Variants in MILR1 observed in about 807,000 individuals in gnomAD.
The protein encoded by MILR1 is mast cell immunoglobulin like receptor 1.
In MILR1, 31 loss-of-function variants were observed where a neutral mutation model predicts 18.5. The ratio of observed to expected loss-of-function variants is 1.68; its 90% CI spans 1.26 to 2.26. The LOEUF (loss-of-function observed/expected upper bound fraction) is 2.26. Ranked by LOEUF, MILR1 falls within the 30% of genes most tolerant of loss-of-function variation. MILR1 has a pLI of 0.00. For synonymous variants in MILR1, 85 were observed against 56.2 expected (o/e 1.51, Z -2.30); for missense variants, 257 against 157.4 (o/e 1.63, Z -3.38).
chr17:64,467,024 C>CTCTTTCTT (rs137981021), intron 8 of MILR1, among the ~76,000 whole-genome samples: 21 of 144,982 alleles, frequency 1.4e-4, no homozygotes, highest in African/African-American at 3.6e-4. Context: ...TTCTTTCTTT[C>CTCTTTCTT]TCTTTCTTTC....
At chr17:64,459,379 G>A (rs2037371801) in intron 4 of MILR1, among the ~76,000 whole-genome samples, 1 of 152,124 alleles carries the variant, frequency 6.6e-6, no homozygotes, top group South Asian at 2.1e-4. Flanking sequence ...GCTGCAGTGA[G>A]CTGTGATCAT....
intron 4 of MILR1, among the ~76,000 whole-genome samples, chr17:64,458,370 G>A (rs1307683247): frequency 4.0e-5 from 6 of 151,734 alleles, no homozygotes; most frequent in South Asian, 2.1e-4. Context: ...CCGCCACCAC[G>A]CTTGGCTAAT....
Position 64,466,444 on chromosome 17 carries a change from G to A in MILR1, c.856G>A (p.Glu286Lys). Residue 286 changes from glutamate (E) to lysine (K), a missense_variant and splice_region_variant, in exon 7 of 10, where the codon GAG becomes AAG. By Grantham distance (56) the Glu-to-Lys change is moderately conservative. Coordinates refer to ENST00000619286, the MANE Select transcript of MILR1 (RefSeq NM_001085423.2). The stretch of plus-strand genomic sequence containing the variant: ...TTTATGTCATTCTCATTTTACAGAG[G>A]AGGAATCTGTGCCAGAAGTGGGATC... ...YANILEKQAK[E>K]ESVPEVGSRP... is the part of the protein sequence containing the mutation. 6.2e-7 allele frequency: 1 copy of A among 1,613,406 alleles called. No individual in the cohort carries two copies.
At chr17:64,493,094 T>A in the MILR1 span, 1 of 1,434,810 alleles carries the variant, frequency 7.0e-7, no homozygotes, top group Non-Finnish European at 9.8e-7. Context: ...ATAGACACAT[T>A]AATAGTAGTA....
At chr17:64,490,486 A>T in the MILR1 span, 6 of 364,174 alleles carry the variant, frequency 1.6e-5, no homozygotes, top group Non-Finnish European at 3.1e-5. Flanking sequence ...GTCACGCAAG[A>T]CAAGAGGAAT....
intron 8 of MILR1, among the ~76,000 whole-genome samples, chr17:64,467,177 C>T (rs2037591130): frequency 6.6e-6 from 1 of 151,804 alleles, no homozygotes; most frequent in African/African-American, 2.4e-5. Flanking sequence ...ACAATCTCAG[C>T]TCACTGCACC....
intron 4 of MILR1, among the ~76,000 whole-genome samples, chr17:64,459,971 T>A (rs1448070868): frequency 6.8e-6 from 1 of 146,460 alleles, no homozygotes; most frequent in Non-Finnish European, 1.5e-5. Flanking sequence ...TTTTAAACTT[T>A]ATTATTTTTA....
At chr17:64,456,961 G>A (rs2037313679) in intron 3 of MILR1, among the ~76,000 whole-genome samples, 1 of 152,120 alleles carries the variant, frequency 6.6e-6, no homozygotes, top group South Asian at 2.1e-4. Context: ...AGGATCACTT[G>A]AGGCCAGGAG....
the MILR1 span, among the ~76,000 whole-genome samples, chr17:64,488,142 T>C: frequency 6.6e-6 from 1 of 152,118 alleles, no homozygotes; most frequent in Non-Finnish European, 1.5e-5. Flanking sequence ...GGCAGGAGGA[T>C]TGCTTGAGCC....
chr17:64,467,521 T>C (rs1555663666), intron 8 of MILR1, 44 bp from the exon 9 acceptor site: 4 of 1,230,890 alleles, frequency 3.2e-6, no homozygotes, highest in Non-Finnish European at 4.6e-6. Flanking sequence ...ACAGCCTTGC[T>C]GGTCACATAT....
chr17:64,491,990 A>C, the MILR1 span, among the ~76,000 whole-genome samples: 1 of 152,142 alleles, frequency 6.6e-6, no homozygotes, highest in Non-Finnish European at 1.5e-5. Context: ...TAAAAAGTGA[A>C]AATACTGAGT....
chr17:64,493,705 C>T, the MILR1 span, among the ~76,000 whole-genome samples: 27 of 152,114 alleles, frequency 1.8e-4, no homozygotes, highest in Non-Finnish European at 1.3e-4. Flanking sequence ...CCAGGTTGGT[C>T]TCGATCTCCT....
the MILR1 span, among the ~76,000 whole-genome samples, chr17:64,484,468 T>C: frequency 3.3e-5 from 5 of 152,170 alleles, no homozygotes; most frequent in Non-Finnish European, 4.4e-5. Context: ...GCTTCGGTTT[T>C]TCCTGAGTGA....
At chr17:64,465,045 G>A (rs1383347370) in intron 5 of MILR1, among the ~76,000 whole-genome samples, 5 of 152,170 alleles carry the variant, frequency 3.3e-5, no homozygotes, top group Non-Finnish European at 7.3e-5. Flanking sequence ...CCGAGATCAC[G>A]ATAGTGCCAC....
At chr17:64,495,734 G>A in the MILR1 span, among the ~76,000 whole-genome samples, 1 of 151,394 alleles carries the variant, frequency 6.6e-6, no homozygotes, top group Admixed American at 6.6e-5. Flanking sequence ...TTAAGACGGA[G>A]TTTTGCTCTT....
chr17:64,464,265 C>T (rs2037498573), intron 5 of MILR1, among the ~76,000 whole-genome samples: 1 of 151,124 alleles, frequency 6.6e-6, no homozygotes, highest in Non-Finnish European at 1.5e-5. Flanking sequence ...CACAGGCGCG[C>T]ACCACCATGC....
At chr17:64,481,269 C>T in the MILR1 span, 11 of 984,978 alleles carry the variant, frequency 1.1e-5, no homozygotes, top group East Asian at 1.1e-4. Flanking sequence ...GTGGGACATA[C>T]GCCATTATCT....
At chr17:64,479,657 G>C in the MILR1 span, among the ~76,000 whole-genome samples, 2 of 152,152 alleles carry the variant, frequency 1.3e-5, no homozygotes, top group Non-Finnish European at 2.9e-5. Flanking sequence ...TAGACACAGA[G>C]AGCTCAATTA....
the MILR1 span, among the ~76,000 whole-genome samples, chr17:64,493,934 CTAAAAA>C: frequency 2.0e-5 from 3 of 152,136 alleles, no homozygotes; most frequent in African/African-American, 4.8e-5. Context: ...CATACATCTT[CTAAAAA>C]TAAAAATATT....
Sources: allele counts gnomAD v4.1 joint callset (sites outside exome capture counted in the v4.1 genomes callset), GRCh38; gene constraint gnomAD v4.1.1; transcripts MANE v1.5; gene names NCBI Gene and HGNC (gene_info 2026-07-23, HGNC 2026-07-21).